The following GALNTL6 variants were observed in gnomAD, a reference collection of about 807,000 sequenced individuals.
GALNTL6 encodes polypeptide N-acetylgalactosaminyltransferase-like 6.
Under a neutral mutation model 73.7 loss-of-function variants are expected in GALNTL6, and 46 were observed. The observed-to-expected ratio is 0.62, with a 90% CI of 0.49 to 0.80. The LOEUF is 0.80. GALNTL6 is among the 30% of genes least tolerant of loss of function. The probability of loss-of-function intolerance (pLI) is 0.00; values close to 1 mark genes in which losing one functional copy is unlikely to be tolerated. For missense variants in GALNTL6, 604 were observed against 755.0 expected, an observed-to-expected ratio of 0.80 and a Z score of 2.34; for synonymous variants, 259 against 263.7, an observed-to-expected ratio of 0.98 and a Z score of 0.17.
intron 2 of GALNTL6, among the ~76,000 whole-genome samples, chr4:171,826,067 T>A (rs544125654): frequency 1.1e-4 from 17 of 152,316 alleles, no homozygotes; most frequent in Middle Eastern, 3.4e-3. Context: ...TATAAACTGG[T>A]ACAGTGAAAC....
intron 5 of GALNTL6, among the ~76,000 whole-genome samples, chr4:172,762,076 TA>T (rs1171102474): frequency 2.0e-5 from 3 of 152,112 alleles, no homozygotes; most frequent in African/African-American, 7.2e-5. Context: ...ATTTTCCAAT[TA>T]AAAAAAATTC....
At chr4:172,866,262 G>T (rs888055857) in intron 7 of GALNTL6, among the ~76,000 whole-genome samples, 2 of 152,188 alleles carry the variant, frequency 1.3e-5, no homozygotes, top group African/African-American at 4.8e-5. Context: ...CGTTGATTCT[G>T]GGATGGTGTG....
intron 2 of GALNTL6, among the ~76,000 whole-genome samples, chr4:172,054,793 C>T (rs1057358833): frequency 6.6e-6 from 1 of 152,150 alleles, no homozygotes; most frequent in Non-Finnish European, 1.5e-5. Flanking sequence ...TTGTCAAACT[C>T]ATATTGTCCA....
chr4:172,346,059 G>T (rs1035684468), intron 4 of GALNTL6, among the ~76,000 whole-genome samples: 2 of 152,208 alleles, frequency 1.3e-5, no homozygotes, highest in Non-Finnish European at 2.9e-5. Context: ...TATCTGCAGA[G>T]ATGTATAATA....
intron 2 of GALNTL6, among the ~76,000 whole-genome samples, chr4:171,892,973 A>T (rs1463234590): frequency 6.6e-6 from 1 of 152,144 alleles, no homozygotes; most frequent in Non-Finnish European, 1.5e-5. Context: ...TGCCCTGTTC[A>T]TTGCTCATTT....
chr4:171,955,366 A>C (rs552463687), intron 2 of GALNTL6, among the ~76,000 whole-genome samples: 38 of 139,624 alleles, frequency 2.7e-4, no homozygotes, highest in Non-Finnish European at 5.1e-4. Flanking sequence ...CGAATGAAAT[A>C]TATCTATCTA....
chr4:172,483,009 T>TAC (rs1315534682), intron 5 of GALNTL6, among the ~76,000 whole-genome samples: 1 of 151,840 alleles, frequency 6.6e-6, no homozygotes, highest in African/African-American at 2.4e-5. Flanking sequence ...AGTTTATGTA[T>TAC]ATATATATAT....
At chr4:172,772,230 G>A (rs1010253478) in intron 5 of GALNTL6, among the ~76,000 whole-genome samples, 1 of 152,170 alleles carries the variant, frequency 6.6e-6, no homozygotes, top group Non-Finnish European at 1.5e-5. Flanking sequence ...TGAGATTTGT[G>A]TGGGGACATA....
At chr4:171,987,853 G>A (rs960640548) in intron 2 of GALNTL6, among the ~76,000 whole-genome samples, 3 of 152,096 alleles carry the variant, frequency 2.0e-5, no homozygotes, top group East Asian at 3.9e-4. Flanking sequence ...AATGTCAGGC[G>A]CATCAGAGAG....
At chr4:172,977,689 G>C (rs767197911) in intron 10 of GALNTL6, among the ~76,000 whole-genome samples, 8 of 152,134 alleles carry the variant, frequency 5.3e-5, no homozygotes, top group Non-Finnish European at 8.8e-5. Flanking sequence ...GACTCTATGG[G>C]AGTCTTACAT....
intron 2 of GALNTL6, among the ~76,000 whole-genome samples, chr4:172,134,941 A>C (rs901512032): frequency 1.3e-5 from 2 of 152,196 alleles, no homozygotes; most frequent in Non-Finnish European, 2.9e-5. Context: ...TTCCATGTTC[A>C]GAATCCAGTG....
chr4:172,071,018 C>T (rs34926166), intron 2 of GALNTL6, among the ~76,000 whole-genome samples: 80,156 of 108,254 alleles, frequency 0.74, 36,590 homozygotes, highest in South Asian at 0.89. Context: ...GAAGGTTTTA[C>T]ACATGTAATA....
intron 5 of GALNTL6, among the ~76,000 whole-genome samples, chr4:172,613,289 G>A (rs187598085): frequency 6.6e-6 from 1 of 152,226 alleles, no homozygotes; most frequent in East Asian, 1.9e-4. Context: ...CTGGAAGGCT[G>A]CTGGCTTGGA....
At chr4:172,465,960 GT>G (rs1292427600) in intron 5 of GALNTL6, among the ~76,000 whole-genome samples, 2 of 152,152 alleles carry the variant, frequency 1.3e-5, no homozygotes, top group South Asian at 4.1e-4. Context: ...CTAAAAGTCA[GT>G]TTTTTTAAAA....
intron 2 of GALNTL6, among the ~76,000 whole-genome samples, chr4:171,830,613 C>T (rs1734941503): frequency 6.6e-6 from 1 of 152,028 alleles, no homozygotes; most frequent in African/African-American, 2.4e-5. Flanking sequence ...AATTAATGTT[C>T]CATTTGCATA....
chr4:172,293,627 C>T (rs989587833), intron 3 of GALNTL6, among the ~76,000 whole-genome samples: 27 of 151,986 alleles, frequency 1.8e-4, no homozygotes, highest in Admixed American at 9.9e-4. Context: ...CTGAGCTGGT[C>T]ATATTGCCTA....
intron 2 of GALNTL6, among the ~76,000 whole-genome samples, chr4:172,035,946 A>C (rs185754191): frequency 4.1e-4 from 63 of 152,222 alleles, no homozygotes; most frequent in African/African-American, 1.2e-3. Flanking sequence ...TTTTATGAAA[A>C]TTACAAAGCT....
intron 5 of GALNTL6, among the ~76,000 whole-genome samples, chr4:172,754,572 C>T (rs911938684): frequency 2.0e-5 from 3 of 151,568 alleles, no homozygotes; most frequent in Non-Finnish European, 4.4e-5. Context: ...AACTCCATCT[C>T]GAAAATAAAT....
intron 2 of GALNTL6, among the ~76,000 whole-genome samples, chr4:171,871,929 A>G (rs534779384): frequency 2.7e-4 from 41 of 152,362 alleles, no homozygotes; most frequent in African/African-American, 9.4e-4. Flanking sequence ...TGTGTTATAA[A>G]TAATCCAGTG....
Sources: allele counts gnomAD v4.1 joint callset (sites outside exome capture counted in the v4.1 genomes callset), GRCh38; gene constraint gnomAD v4.1.1; transcripts MANE v1.5; gene names NCBI Gene and HGNC (gene_info 2026-07-23, HGNC 2026-07-21).